ETV1: variants seen among roughly 807,000 people sequenced by gnomAD.
ETV1 encodes the protein ETS translocation variant 1.
ETV1 carries 27 observed loss-of-function variants against 62.3 expected under a neutral mutation model. The observed-to-expected ratio is 0.43, with a 90% CI of 0.32 to 0.60. ETV1 has a LOEUF of 0.60. ETV1 is among the 20% of genes least tolerant of loss of function. The pLI is 0.06. For synonymous variants in ETV1, 222 were observed against 199.6 expected, an observed-to-expected ratio of 1.11 and a Z score of -0.94; for missense variants, 605 against 605.8, an observed-to-expected ratio of 1.00 and a Z score of 0.01.
intron 12 of ETV1, among the ~76,000 whole-genome samples, chr7:13,903,810 G>T (rs1037335803): frequency 6.7e-6 from 1 of 149,736 alleles, no homozygotes; most frequent in Non-Finnish European, 1.5e-5. Flanking sequence ...TTCCCTAGGA[G>T]ACATGACTAA....
chr7:13,922,515 G>T (rs1784964456), intron 9 of ETV1, among the ~76,000 whole-genome samples: 1 of 152,178 alleles, frequency 6.6e-6, no homozygotes, highest in Non-Finnish European at 1.5e-5. Flanking sequence ...TGAGGCTGAG[G>T]AGGGAGAATT....
chr7:13,933,156 T>C (rs1364389565), intron 8 of ETV1, among the ~76,000 whole-genome samples: 2 of 152,228 alleles, frequency 1.3e-5, no homozygotes, highest in Non-Finnish European at 2.9e-5. Flanking sequence ...AATAAGAAAC[T>C]GGCTCACTTG....
At chr7:13,971,021 G>C (rs1028576565) in intron 6 of ETV1, among the ~76,000 whole-genome samples, 2 of 151,616 alleles carry the variant, frequency 1.3e-5, no homozygotes, top group Non-Finnish European at 1.5e-5. Context: ...ACCCAGGCTG[G>C]AGTGCGATGG....
At chr7:13,967,569 AC>A (rs2128489948) in intron 6 of ETV1, among the ~76,000 whole-genome samples, 1 of 152,266 alleles carries the variant, frequency 6.6e-6, no homozygotes, top group African/African-American at 2.4e-5. Context: ...ATTTAAAAAA[AC>A]AATAGCATCT....
chr7:13,966,825 T>A lies in ETV1; in HGVS notation c.235+10602A>T, dbSNP rs190815391. On this transcript the variant is annotated intron_variant, in intron 6 of 13. Coordinates refer to ENST00000430479, the MANE Select transcript of ETV1 (RefSeq NM_004956.5). ...TAAATACAACTTCATTTATCAATTATATGCAGTAAGAACATAAGCTCCATG... is the reference window on the plus strand; with the variant it reads ...TAAATACAACTTCATTTATCAATTAAATGCAGTAAGAACATAAGCTCCATG... 4.7e-3 allele frequency among the ~76,000 whole-genome samples: 723 copies of A among 152,294 alleles called. 9 individuals carry two copies. Among genetic ancestry groups the A allele is most frequent in the African/African-American group, 0.016 (680 of 41,586 alleles).
At chr7:13,896,513 T>C (rs1177437031) in intron 13 of ETV1, among the ~76,000 whole-genome samples, 1 of 151,842 alleles carries the variant, frequency 6.6e-6, no homozygotes, top group Non-Finnish European at 1.5e-5. Context: ...TAATATTACA[T>C]ATCTGAAATG....
At chr7:13,977,219 G>A (rs557659160) in intron 6 of ETV1, among the ~76,000 whole-genome samples, 5 of 152,224 alleles carry the variant, frequency 3.3e-5, no homozygotes, top group East Asian at 1.9e-4. Flanking sequence ...GTTCTCTTCC[G>A]ATATACAGAA....
At chr7:13,969,067 T>C (rs1180236349) in intron 6 of ETV1, among the ~76,000 whole-genome samples, 1 of 152,188 alleles carries the variant, frequency 6.6e-6, no homozygotes, top group African/African-American at 2.4e-5. Flanking sequence ...GGAACACATC[T>C]GCACCAGTGG....
chr7:13,929,344 T>C (rs12666650), intron 9 of ETV1, among the ~76,000 whole-genome samples: 29,818 of 152,126 alleles, frequency 0.2, 3,500 homozygotes, highest in East Asian at 0.39. Context: ...TTAAAATTTC[T>C]TAAATTATAA....
At chr7:13,905,708 T>C (rs1315101295) in intron 12 of ETV1, among the ~76,000 whole-genome samples, 1 of 152,148 alleles carries the variant, frequency 6.6e-6, no homozygotes, top group African/African-American at 2.4e-5. Context: ...CTCTGTACAG[T>C]ATTATCTCTG....
intron 5 of ETV1, among the ~76,000 whole-genome samples, chr7:13,979,090 A>G (rs373449359): frequency 6.6e-6 from 1 of 152,090 alleles, no homozygotes; most frequent in South Asian, 2.1e-4. Flanking sequence ...AACAACTTCA[A>G]AGTTAGCAAA....
At chr7:13,982,640 T>A (rs368131562) in intron 5 of ETV1, among the ~76,000 whole-genome samples, 2 of 151,968 alleles carry the variant, frequency 1.3e-5, no homozygotes, top group African/African-American at 2.4e-5. Flanking sequence ...CACACACACA[T>A]GAAATTATTG....
chr7:13,911,074 T>C lies in ETV1; in HGVS notation c.871+165A>G, dbSNP rs546439769. On this transcript the variant is annotated intron_variant, in intron 10 of 13. Coordinates refer to ENST00000430479, the MANE Select transcript of ETV1 (RefSeq NM_004956.5). ...CATGTTAACAACAAGATACCACTAC[T>C]TGAAACATCTTCTTTTTACTTTGGA... 5.3e-5 allele frequency among the ~76,000 whole-genome samples: 8 copies of C among 152,354 alleles called. No homozygotes were observed. The East Asian group carries it at 1.3e-3, about 26-fold the overall frequency.
In ETV1 at chr7:13,989,091, T is replaced by A; in HGVS notation, c.-39A>T. The A allele has an allele frequency of 6.4e-7, 1 of 1,556,368 alleles. No homozygotes were observed. Among genetic ancestry groups the A allele is most frequent in the Non-Finnish European group, 8.8e-7 (1 of 1,141,606 alleles). On this transcript the variant is annotated 5_prime_UTR_variant, in exon 3 of 14. Coordinates refer to ENST00000430479, the MANE Select transcript of ETV1 (RefSeq NM_004956.5). ...GCAAATCTCAGCTCAGTATTTTATA[T>A]TTTGAGCATTTAGCTGGAGATTTCC...
At chr7:13,928,349 G>A (rs192656272) in intron 9 of ETV1, among the ~76,000 whole-genome samples, 66 of 152,306 alleles carry the variant, frequency 4.3e-4, no homozygotes, top group African/African-American at 1.6e-3. Context: ...GGGCGTGGTG[G>A]CTCACGCTTG....
intron 5 of ETV1, among the ~76,000 whole-genome samples, chr7:13,983,784 C>G (rs1292388843): frequency 6.6e-6 from 1 of 151,296 alleles, no homozygotes; most frequent in Non-Finnish European, 1.5e-5. Flanking sequence ...ATATTCTCCA[C>G]CAACATATTT....
intron 6 of ETV1, among the ~76,000 whole-genome samples, chr7:13,966,636 G>C (rs928325237): frequency 6.6e-6 from 1 of 152,002 alleles, no homozygotes; most frequent in African/African-American, 2.4e-5. Context: ...GACAGAGTGA[G>C]ACCCTGTCTC....
At chr7:13,942,939 G>A (rs936892495) in intron 6 of ETV1, among the ~76,000 whole-genome samples, 3 of 151,748 alleles carry the variant, frequency 2.0e-5, no homozygotes, top group Non-Finnish European at 4.4e-5. Flanking sequence ...TTTATAAACA[G>A]GACACAAAAA....
intron 6 of ETV1, among the ~76,000 whole-genome samples, chr7:13,944,083 A>G (rs988077891): frequency 6.6e-6 from 1 of 152,188 alleles, no homozygotes; most frequent in African/African-American, 2.4e-5. Flanking sequence ...TTCTATCAAA[A>G]TGTCCATTAG....
Sources: gnomAD v4.1 joint callset for allele counts (sites outside exome capture counted in the v4.1 genomes callset) on GRCh38, gnomAD v4.1.1 for gene constraint, MANE v1.5 for transcripts, NCBI Gene and HGNC (gene_info 2026-07-23, HGNC 2026-07-21) for gene names.